The following CDCP2 variants were observed in gnomAD, a reference collection of about 807,000 sequenced individuals.
CDCP2 encodes CUB domain-containing protein 2.
A neutral mutation model predicts 31.0 loss-of-function variants in CDCP2; 31 were observed. The ratio of observed to expected loss-of-function variants is 1.00; its 90% CI spans 0.75 to 1.35. The LOEUF (loss-of-function observed/expected upper bound fraction) is 1.35, where lower values mean the gene tolerates loss of function less well. CDCP2 is among the 40% of genes most tolerant of loss of function. The pLI is 0.00. For missense variants in CDCP2, 443 were observed against 482.6 expected (o/e 0.92, Z 0.77); for synonymous variants, 206 against 207.9 (o/e 0.99, Z 0.08).
intron 1 of CDCP2, among the ~76,000 whole-genome samples, chr1:54,149,616 C>T (rs1659540999): frequency 6.6e-6 from 1 of 152,370 alleles, no homozygotes; most frequent in Non-Finnish European, 1.5e-5. Context: ...CTCTCCCCAG[C>T]CCATGCTCCT....
exon 3 of CDCP2, chr1:54,141,325 C>A (rs757715498): frequency 4.3e-6 from 7 of 1,614,104 alleles, no homozygotes; most frequent in Admixed American, 1.7e-5. Context: ...GTGGGCAGGG[C>A]CAGCGGCCCG....
chr1:54,133,093 C>T (rs1659193434), exon 6 of CDCP2: 1 of 399,140 alleles, frequency 2.5e-6, no homozygotes, highest in Non-Finnish European at 4.4e-6. Flanking sequence ...AGTGCCTCCG[C>T]CTCATCCATG....
chr1:54,144,560 CG>C lies in CDCP2; in HGVS notation c.332del (p.Pro111ArgfsTer39), dbSNP rs762363743. On this transcript the variant is annotated frameshift_variant, in exon 2 of 6. Coordinates refer to ENST00000530059, the Ensembl canonical transcript of CDCP2. LOFTEE classifies it high-confidence loss of function. ...CATGCCAGGAGGAGGTGAAGGGCGG[CG>C]GGGGCACCTTGCCGCAGAACCTCCC... 1.9e-6 allele frequency: 3 copies of C among 1,613,728 alleles called. No homozygotes were observed. The highest frequency in any genetic ancestry group is 1.1e-5 in the South Asian group (1 of 91,050).
intron 1 of CDCP2, among the ~76,000 whole-genome samples, chr1:54,146,052 T>G (rs1017510861): frequency 2.0e-5 from 3 of 152,186 alleles, no homozygotes; most frequent in African/African-American, 7.2e-5. Flanking sequence ...TCTTAAAGTA[T>G]ATTCAGTAAA....
At chr1:54,145,894 C>A (rs1051480614) in intron 1 of CDCP2, among the ~76,000 whole-genome samples, 1 of 152,096 alleles carries the variant, frequency 6.6e-6, no homozygotes, top group Non-Finnish European at 1.5e-5. Context: ...CCCTAAATAT[C>A]CCAAACTGAA....
intron 4 of CDCP2, chr1:54,138,557 C>G (rs1280715942): frequency 6.6e-6 from 1 of 152,258 alleles, no homozygotes; most frequent in Non-Finnish European, 1.5e-5. Flanking sequence ...GAAAGCTGTC[C>G]TTGGATCCAG....
chr1:54,140,058 G>A (rs1220852840), exon 4 of CDCP2: 1 of 1,613,688 alleles, frequency 6.2e-7, no homozygotes, highest in South Asian at 1.1e-5. Context: ...GGGGTACTGT[G>A]GGCTGGAGAA....
intron 1 of CDCP2, among the ~76,000 whole-genome samples, chr1:54,150,091 C>G (rs1659554545): frequency 6.6e-6 from 1 of 152,216 alleles, no homozygotes; most frequent in African/African-American, 2.4e-5. Flanking sequence ...ACGCCTGACT[C>G]TAGCTGGGGA....
chr1:54,143,657 A>G (rs1213708666), intron 2 of CDCP2: 1 of 152,188 alleles, frequency 6.6e-6, no homozygotes, highest in Admixed American at 6.5e-5. Context: ...CTGGGGTCCC[A>G]CCTGAGTCCC....
At position 54,139,741 on chromosome 1, in the gene CDCP2, AG is replaced by A; in HGVS notation, c.1117+11del. On this transcript the variant is annotated intron_variant, in intron 4 of 5. Transcript: ENST00000530059. ...TCGCCCTCAGTGGACCCACTCCCAC[AG>A]CCCAGCTGACCTCCGATGTAGGCCA... 6.2e-7 allele frequency: 1 copy of A among 1,614,244 alleles called. No individual in the cohort carries two copies. Among genetic ancestry groups the A allele is most frequent in the East Asian group, 2.2e-5 (1 of 44,888 alleles).
At position 54,141,447 on chromosome 1, in the gene CDCP2, C is replaced by A. The variant is rs758240703; in HGVS notation, c.428-14G>T. 7.6e-6 allele frequency: 12 copies of A among 1,574,802 alleles called. 1 individual carries two copies. The Middle Eastern group carries it at 1.2e-3, about 156-fold the overall frequency. ...CGCCACACACATCTGCAAGGGAGCC[C>A]ACTTGAGCTGACCTTTCTTTCTCCT... On this transcript the variant is annotated splice_polypyrimidine_tract_variant and intron_variant, in intron 2 of 5. Coordinates refer to ENST00000530059, the Ensembl canonical transcript of CDCP2.
exon 2 of CDCP2, chr1:54,144,613 C>T: frequency 6.2e-7 from 1 of 1,614,208 alleles, no homozygotes; most frequent in South Asian, 1.1e-5. Flanking sequence ...TCTGGTGAGG[C>T]CCCATTGTAG....
chr1:54,139,901 A>G (rs1228533011), exon 4 of CDCP2: 1 of 1,614,026 alleles, frequency 6.2e-7, no homozygotes, highest in Non-Finnish European at 8.5e-7. Context: ...CGCTGGCCCC[A>G]TCGAAGGCCG....
rs775880253 is a variant in CDCP2, at chr1:54,144,679, A to T, written c.214T>A (p.Phe72Ile). The T allele has an allele frequency of 1.9e-6, 3 of 1,614,240 alleles. No homozygotes were observed. In the Admixed American group the frequency reaches 5.0e-5, roughly 27 times the overall value. The change falls in exon 2 of 6, where the codon TTC (phenylalanine) becomes ATC (isoleucine). Residue 72 changes from phenylalanine to isoleucine, a missense_variant. Phe to Ile is a conservative substitution (Grantham distance 21). Transcript: ENST00000530059. ...TGGTACTCTAGGTCAAAGGCATGGA[A>T]GGTGAGCAGCACCGAGGATCCCTCG...
chr1:54,132,720 C>G (rs1659186582), downstream of CDCP2: 2 of 370,098 alleles, frequency 5.4e-6, no homozygotes, highest in African/African-American at 4.2e-5. Context: ...AAATTAATAA[C>G]AGCAATTGCA....
chr1:54,144,827 G>A lies in CDCP2; in HGVS notation c.80-14C>T, dbSNP rs750566107. 1.3e-5 allele frequency: 20 copies of A among 1,594,854 alleles called. No individual in the cohort carries two copies. The highest frequency in any genetic ancestry group is 3.4e-5 in the Admixed American group (2 of 58,458). Reference sequence around the variant, plus strand: ...CACATTTGACACCTGGGGCAAGAGAGAAGTATGGCTGAGACTCCGTGCTGG... The same window carrying A: ...CACATTTGACACCTGGGGCAAGAGAAAAGTATGGCTGAGACTCCGTGCTGG... On this transcript the variant is annotated splice_polypyrimidine_tract_variant and intron_variant, in intron 1 of 5. Transcript: ENST00000530059.
intron 2 of CDCP2, chr1:54,142,151 A>C (rs550722905): frequency 6.6e-6 from 1 of 152,390 alleles, no homozygotes; most frequent in Admixed American, 6.5e-5. Context: ...AGGAAGACTA[A>C]CTATGGATCC....
At chr1:54,144,870 G>A in intron 1 of CDCP2, 57 bp from the exon 2 acceptor site, 1 of 1,372,056 alleles carries the variant, frequency 7.3e-7, no homozygotes, top group South Asian at 1.4e-5. Context: ...GGTACATGTG[G>A]TAAGGGCAGT....
chr1:54,152,843 C>T lies in CDCP2; in HGVS notation c.79+1G>A, dbSNP rs539171792. The T allele has an allele frequency of 6.2e-7, 1 of 1,614,128 alleles. No individual in the cohort carries two copies. ...TTCATGTCTGTCCCAAGAGTGCCTA[C>T]CTTCCATGGCTTGGGCCTGGAGCCC... is the stretch of plus-strand genomic sequence containing the variant. On this transcript the variant is annotated splice_donor_variant, in intron 1 of 5. Coordinates refer to ENST00000530059, the Ensembl canonical transcript of CDCP2. LOFTEE classifies it high-confidence loss of function.
Sources: gnomAD v4.1 joint callset for allele counts (sites outside exome capture counted in the v4.1 genomes callset) on GRCh38, gnomAD v4.1.1 for gene constraint, MANE v1.5 for transcripts, NCBI Gene and HGNC (gene_info 2026-07-23, HGNC 2026-07-21) for gene names.